MUC13: variants seen among roughly 807,000 people sequenced by gnomAD.
The protein encoded by MUC13 is mucin 13, cell surface associated.
A neutral mutation model predicts 48.3 loss-of-function variants in MUC13; 32 were observed. The ratio of observed to expected loss-of-function variants is 0.66; its 90% CI spans 0.50 to 0.89. MUC13 has a LOEUF of 0.89. Among genes scored for constraint, MUC13 ranks in the 40% least tolerant of loss-of-function variants. MUC13 has a pLI of 0.00. For synonymous variants in MUC13, 199 were observed against 224.9 expected (o/e 0.88, Z 1.03); for missense variants, 571 against 622.8 (o/e 0.92, Z 0.88).
chr3:124,929,668 G>C (rs1025285719), intron 1 of MUC13, among the ~76,000 whole-genome samples: 1 of 152,106 alleles, frequency 6.6e-6, no homozygotes, highest in Non-Finnish European at 1.5e-5. Context: ...ACTCAGGATA[G>C]TTCTCATCTA....
chr3:124,925,249 T>C (rs974776445), intron 2 of MUC13, among the ~76,000 whole-genome samples: 24 of 152,206 alleles, frequency 1.6e-4, no homozygotes, highest in Admixed American at 1.5e-3. Context: ...ATTCCAACTA[T>C]ATGACTTTCT....
intron 1 of MUC13, among the ~76,000 whole-genome samples, chr3:124,930,458 G>A: frequency 6.6e-6 from 1 of 152,006 alleles, no homozygotes; most frequent in Admixed American, 6.6e-5. Context: ...GATATCCCAG[G>A]CTTAAATTAT....
intron 1 of MUC13, among the ~76,000 whole-genome samples, chr3:124,929,058 G>C (rs1195069457): frequency 6.6e-6 from 1 of 152,038 alleles, no homozygotes; most frequent in East Asian, 1.9e-4. Context: ...AGTGATCTTT[G>C]CCCTCTGAGC....
chr3:124,913,197 C>T lies in MUC13; in HGVS notation c.1128G>A (p.Lys376=). The part of the protein sequence containing the change: ...KCPDACNAQH[K]QCLIKKSGGA... The stretch of plus-strand genomic sequence containing the variant: ...CACCACTCTTCTTTATTAAGCATTG[C>T]TTGTGCTGTGCGTTGCAGGCATCAG... Residue 376 remains lysine, a synonymous_variant, in exon 8 of 12, where the codon AAG becomes AAA. Transcript: ENST00000616727. The T allele has an allele frequency of 6.2e-7, 1 of 1,614,102 alleles. No individual in the cohort carries two copies. Among genetic ancestry groups the T allele is most frequent in the South Asian group, 1.1e-5 (1 of 91,064 alleles).
chr3:124,911,697 T>G (rs1579362153), intron 9 of MUC13, among the ~76,000 whole-genome samples: 1 of 152,156 alleles, frequency 6.6e-6, no homozygotes, highest in East Asian at 1.9e-4. Flanking sequence ...ACAAAAGGAT[T>G]TGAGTATTTA....
In MUC13 at chr3:124,913,542, GA is replaced by G; in HGVS notation, c.1084+19del. 1 of 1,613,942 alleles carries G rather than the reference GA, an allele frequency of 6.2e-7. No homozygotes were observed. The highest frequency in any genetic ancestry group is 8.5e-7 in the Non-Finnish European group (1 of 1,179,918). ...AAAGTGATGTTATGAAGAACATTTA[GA>G]AGCAGGTGAAACACTTACCAACGCA... On this transcript the variant is annotated intron_variant, in intron 7 of 11. Coordinates refer to ENST00000616727, the MANE Select transcript of MUC13 (RefSeq NM_033049.4).
chr3:124,929,531 T>C (rs1560001719), intron 1 of MUC13, among the ~76,000 whole-genome samples: 1 of 152,240 alleles, frequency 6.6e-6, no homozygotes, highest in Non-Finnish European at 1.5e-5. Context: ...AGCCTGATTC[T>C]TCACCTTGAA....
chr3:124,918,442 T>C (rs1935541855), intron 5 of MUC13, among the ~76,000 whole-genome samples: 1 of 152,204 alleles, frequency 6.6e-6, no homozygotes, highest in South Asian at 2.1e-4. Context: ...ATCCCCCAAA[T>C]GACCTTGTGG....
At chr3:124,916,959 C>A (rs1254511801) in intron 5 of MUC13, among the ~76,000 whole-genome samples, 2 of 152,066 alleles carry the variant, frequency 1.3e-5, no homozygotes, top group Non-Finnish European at 2.9e-5. Flanking sequence ...GGATCACTCC[C>A]AGAAAGGACC....
chr3:124,913,658 C>G lies in MUC13; in HGVS notation c.988G>C (p.Gly330Arg). The stretch of plus-strand genomic sequence containing the variant: ...CAGTCATCCGCAGTCTGGTTACAGC[C>G]ATAATAATCACACCGAAGGGTCACT... ...YDLTLRCDYY[G>R]CNQTADDCLN... The change falls in exon 7 of 12, where the codon GGC (glycine) becomes CGC (arginine). Residue 330 changes from glycine to arginine, a missense_variant. Physicochemically the swap from Gly to Arg is moderately radical, Grantham distance 125. Coordinates refer to ENST00000616727, the MANE Select transcript of MUC13 (RefSeq NM_033049.4). 1.2e-6 allele frequency: 2 copies of G among 1,614,158 alleles called. No homozygotes were observed. The highest frequency in any genetic ancestry group is 1.7e-6 in the Non-Finnish European group (2 of 1,180,018).
At position 124,920,114 on chromosome 3, in the gene MUC13, C is replaced by T. The variant is rs570804499; in HGVS notation, c.800+120G>A. 70 of 844,372 alleles carry T rather than the reference C, an allele frequency of 8.3e-5. No homozygotes were observed. In the East Asian group the frequency reaches 1.8e-3, roughly 22 times the overall value. 52.3% of individuals were successfully genotyped at this position (844,372 alleles called of 1,614,324 possible). ...TTGCAGTGCTCAGACTGAGACTGAC[C>T]CTCTCCTCTTAACTTGTGACTTGCC... On this transcript the variant is annotated intron_variant, in intron 5 of 11. Transcript: ENST00000616727.
Position 124,906,270 on chromosome 3 carries a change from A to G in MUC13, c.*473T>C, listed in dbSNP as rs958100409. ...CAGAGAGTGAGCTTGTGACCCTTGAAAGATGGTGGGTATCCCTTCTCATCC... is the reference window on the plus strand; with the variant it reads ...CAGAGAGTGAGCTTGTGACCCTTGAGAGATGGTGGGTATCCCTTCTCATCC... On this transcript the variant is annotated 3_prime_UTR_variant, in exon 12 of 12. Transcript: ENST00000616727. 4.6e-5 allele frequency: 7 copies of G among 152,578 alleles called. No individual in the cohort carries two copies. Among genetic ancestry groups the G allele is most frequent in the Non-Finnish European group, 8.8e-5 (6 of 68,050 alleles). The allele number at this position is 152,578 out of a possible 1,614,324, so 9.5% of individuals were successfully genotyped here. A position where few individuals can be genotyped will look rare whatever the true frequency, so the allele number is the denominator to read the frequency against.
intron 4 of MUC13, 121 bp downstream of exon 4, chr3:124,922,076 A>T: frequency 1.7e-6 from 2 of 1,192,938 alleles, no homozygotes; most frequent in South Asian, 1.6e-5. Flanking sequence ...GGTACATTTC[A>T]CTGTTTGAAC....
intron 9 of MUC13, 26 bp from the exon 10 acceptor site, chr3:124,910,525 A>G (rs770431247): frequency 4.3e-6 from 7 of 1,613,324 alleles, no homozygotes; most frequent in Non-Finnish European, 5.9e-6. Flanking sequence ...AAATAAGAAC[A>G]GTCTCCAACA....
intron 8 of MUC13, among the ~76,000 whole-genome samples, chr3:124,912,714 G>A (rs981125842): frequency 4.6e-5 from 7 of 152,162 alleles, no homozygotes; most frequent in Middle Eastern, 3.4e-3. Context: ...GAAGCAGGTG[G>A]ATCATGAGGT....
At chr3:124,910,632 GGTTGGGTA>G (rs1482909380) in intron 9 of MUC13, 133 bp from the exon 10 acceptor site, 4 of 1,401,188 alleles carry the variant, frequency 2.9e-6, no homozygotes. Flanking sequence ...CTCCAGGCCA[GGTTGGGTA>G]GTTGGCCTAT....
At chr3:124,911,766 C>T (rs574387475) in intron 9 of MUC13, among the ~76,000 whole-genome samples, 20 of 152,246 alleles carry the variant, frequency 1.3e-4, no homozygotes, top group African/African-American at 4.3e-4. Flanking sequence ...AATTACTGGT[C>T]TTTTATCTCT....
At chr3:124,918,983 C>T (rs1475031291) in intron 5 of MUC13, among the ~76,000 whole-genome samples, 2 of 152,032 alleles carry the variant, frequency 1.3e-5, no homozygotes, top group African/African-American at 2.4e-5. Context: ...TTTAAAATAC[C>T]TCTCTGAAAT....
At position 124,927,881 on chromosome 3, in the gene MUC13, G is replaced by T; in HGVS notation, c.165C>A (p.Ser55Arg). 2 of 1,613,916 alleles carry T rather than the reference G, an allele frequency of 1.2e-6. No homozygotes were observed. Among genetic ancestry groups the T allele is most frequent in the Non-Finnish European group, 1.7e-6 (2 of 1,179,904 alleles). ...GGAAAGAAGGTGTATTTGCTGTGGT[G>T]CTAGCAGTTTCAGGGAAATTAGTTT... ...TTETNFPETASTTANTPSFPT... is the reference protein window; with the variant it reads ...TTETNFPETARTTANTPSFPT... The change falls in exon 2 of 12, where the codon AGC becomes AGA. Residue 55 changes from serine to arginine, a missense_variant. Physicochemically the swap from Ser to Arg is moderately radical, Grantham distance 110. Coordinates refer to ENST00000616727, the MANE Select transcript of MUC13 (RefSeq NM_033049.4).
Sources: gnomAD v4.1 joint callset for allele counts (sites outside exome capture counted in the v4.1 genomes callset) on GRCh38, gnomAD v4.1.1 for gene constraint, MANE v1.5 for transcripts, NCBI Gene and HGNC (gene_info 2026-07-23, HGNC 2026-07-21) for gene names.